FNBP1: variants seen among roughly 807,000 people sequenced by gnomAD.
The protein encoded by FNBP1 is formin-binding protein 1.
Under a neutral mutation model 90.6 loss-of-function variants are expected in FNBP1, and 26 were observed. The observed-to-expected ratio is 0.29, with a 90% CI of 0.21 to 0.40. The LOEUF (loss-of-function observed/expected upper bound fraction) is 0.40. FNBP1 is among the 10% of genes least tolerant of loss of function. The pLI is 1.00. For synonymous variants in FNBP1, 260 were observed against 265.2 expected (o/e 0.98, Z 0.19); for missense variants, 635 against 768.0 (o/e 0.83, Z 2.05).
In FNBP1 at chr9:129,918,956, G is replaced by A. The variant is rs57988217; in HGVS notation, c.1171-2976C>T. 1,380 of 176,684 alleles carry A rather than the reference G, an allele frequency of 7.8e-3. 22 individuals carry two copies. The highest frequency in any genetic ancestry group is 0.031 in the African/African-American group (1,305 of 41,598). 10.9% of individuals were successfully genotyped at this position (176,684 alleles called of 1,614,324 possible). A position where few individuals can be genotyped will look rare whatever the true frequency, so the allele number is the denominator to read the frequency against. On this transcript the variant is annotated intron_variant, in intron 10 of 16. Coordinates refer to ENST00000446176, the MANE Select transcript of FNBP1 (RefSeq NM_015033.3). ...CTTCCTTTATTCATGCAAGCTTTTC[G>A]GATAAAGTTCCGTATGGTTGAATTT...
chr9:129,969,627 T>C (rs1367252793), intron 4 of FNBP1, among the ~76,000 whole-genome samples: 1 of 152,078 alleles, frequency 6.6e-6, no homozygotes, highest in Non-Finnish European at 1.5e-5. Context: ...ACTACACTTT[T>C]GGCCAGGCAC....
intron 6 of FNBP1, chr9:129,936,657 C>T (rs2043509159): frequency 6.6e-6 from 1 of 152,006 alleles, no homozygotes; most frequent in Non-Finnish European, 1.5e-5. Flanking sequence ...AAAGTTTCTG[C>T]ACATTCCAGC....
chr9:130,034,212 T>G (rs936863802), intron 1 of FNBP1, among the ~76,000 whole-genome samples: 3 of 150,664 alleles, frequency 2.0e-5, no homozygotes, highest in Non-Finnish European at 4.4e-5. Flanking sequence ...ACTCGGGAGG[T>G]TGAAGCAGGA....
At chr9:129,931,788 A>T (rs1219511872) in intron 6 of FNBP1, among the ~76,000 whole-genome samples, 3 of 151,900 alleles carry the variant, frequency 2.0e-5, no homozygotes, top group African/African-American at 7.3e-5. Context: ...ACAGAGCAAG[A>T]CTGTTTCAAA....
At chr9:129,893,914 CAAA>C (rs34164874) in intron 16 of FNBP1, among the ~76,000 whole-genome samples, 263 of 115,802 alleles carry the variant, frequency 2.3e-3, no homozygotes, top group Middle Eastern at 4.2e-3. Flanking sequence ...GACTCCATCT[CAAA>C]AAAAAAAAAA....
intron 6 of FNBP1, among the ~76,000 whole-genome samples, chr9:129,955,901 C>T (rs1316692123): frequency 6.6e-6 from 1 of 151,394 alleles, no homozygotes; most frequent in Admixed American, 6.6e-5. Flanking sequence ...CCTCATTCAA[C>T]ATAAAATATC....
intron 4 of FNBP1, among the ~76,000 whole-genome samples, chr9:129,974,235 C>T (rs2049956236): frequency 6.6e-6 from 1 of 152,156 alleles, no homozygotes; most frequent in Non-Finnish European, 1.5e-5. Flanking sequence ...TGCCTACAAA[C>T]ACGCACTGCC....
In FNBP1 at chr9:129,889,177, G is replaced by A. The variant is rs1588306352; in HGVS notation, c.*1362C>T. ...ACTTGGCTCTAAAAGCAAACTCAAC[G>A]AATTCCACATGCCCTGAAGAGCACG... On this transcript the variant is annotated 3_prime_UTR_variant, in exon 17 of 17. Transcript: ENST00000446176. The A allele has an allele frequency of 1.4e-5, 3 of 213,502 alleles. No individual in the cohort carries two copies. Among genetic ancestry groups the A allele is most frequent in the Non-Finnish European group, 2.8e-5 (3 of 105,602 alleles). The allele number at this position is 213,502 out of a possible 1,614,324, so 13.2% of individuals were successfully genotyped here. A position where few individuals can be genotyped will look rare whatever the true frequency, so the allele number is the denominator to read the frequency against.
chr9:130,024,851 AT>A (rs1192734671), intron 1 of FNBP1, among the ~76,000 whole-genome samples: 1 of 152,186 alleles, frequency 6.6e-6, no homozygotes, highest in Non-Finnish European at 1.5e-5. Flanking sequence ...AACTGACAAA[AT>A]AAACAATAAA....
intron 12 of FNBP1, among the ~76,000 whole-genome samples, chr9:129,903,719 C>T (rs1200567120): frequency 6.6e-6 from 1 of 151,716 alleles, no homozygotes; most frequent in Non-Finnish European, 1.5e-5. Context: ...TTGGTAGAGA[C>T]TGCGTTTTGC....
intron 1 of FNBP1, among the ~76,000 whole-genome samples, chr9:130,035,007 AGT>A (rs1360061297): frequency 6.6e-6 from 1 of 152,044 alleles, no homozygotes; most frequent in Non-Finnish European, 1.5e-5. Context: ...AAATTAGCAG[AGT>A]GTGGTGACAT....
chr9:129,903,394 G>A (rs1255159456), intron 12 of FNBP1, among the ~76,000 whole-genome samples: 2 of 152,122 alleles, frequency 1.3e-5, no homozygotes, highest in Non-Finnish European at 2.9e-5. Flanking sequence ...CACTTTGAAA[G>A]CCATATGAAT....
rs1280981382 is a variant in FNBP1, at chr9:129,887,690, T to A, written c.*2849A>T. Reference sequence around the variant, plus strand: ...CAACCTTCTGTGCCTTTTTATACTTTCCCATCCTACAAAGGAAAAACTGGG... The same window carrying A: ...CAACCTTCTGTGCCTTTTTATACTTACCCATCCTACAAAGGAAAAACTGGG... On this transcript the variant is annotated 3_prime_UTR_variant, in exon 17 of 17. Transcript: ENST00000446176. 4.5e-6 allele frequency: 1 copy of A among 220,826 alleles called. No homozygotes were observed. Among genetic ancestry groups the A allele is most frequent in the Non-Finnish European group, 9.1e-6 (1 of 110,342 alleles). The allele number at this position is 220,826 out of a possible 1,614,324, so 13.7% of individuals were successfully genotyped here.
At chr9:129,952,132 C>T (rs569188812) in intron 6 of FNBP1, among the ~76,000 whole-genome samples, 46 of 151,752 alleles carry the variant, frequency 3.0e-4, no homozygotes, top group Non-Finnish European at 5.7e-4. Flanking sequence ...GCACAGGTTG[C>T]GATGAGCTGA....
intron 16 of FNBP1, among the ~76,000 whole-genome samples, chr9:129,894,711 G>A (rs1479898300): frequency 6.6e-6 from 1 of 152,194 alleles, no homozygotes; most frequent in Non-Finnish European, 1.5e-5. Context: ...CTGATGCAGG[G>A]ACACGCTCTG....
chr9:130,009,984 A>T (rs2056333783), intron 1 of FNBP1, among the ~76,000 whole-genome samples: 2 of 151,920 alleles, frequency 1.3e-5, no homozygotes, highest in Admixed American at 1.3e-4. Flanking sequence ...GTCTCAAAAA[A>T]AAAAAAAAAA....
intron 6 of FNBP1, among the ~76,000 whole-genome samples, chr9:129,956,956 T>A (rs759495351): frequency 2.6e-4 from 40 of 151,950 alleles, no homozygotes; most frequent in Middle Eastern, 3.2e-3. Context: ...CTTTTGTGGC[T>A]ACATTAGAAA....
At chr9:129,901,855 T>A (rs1246382347) in intron 13 of FNBP1, among the ~76,000 whole-genome samples, 1 of 152,080 alleles carries the variant, frequency 6.6e-6, no homozygotes, top group Non-Finnish European at 1.5e-5. Context: ...GAGGTCACAC[T>A]GAGGTGAGAT....
intron 6 of FNBP1, among the ~76,000 whole-genome samples, chr9:129,931,273 C>T (rs1044310555): frequency 7.9e-5 from 12 of 151,450 alleles, no homozygotes; most frequent in Non-Finnish European, 7.4e-5. Context: ...TTCCAGCCTG[C>T]GCAACAGAAC....
Sources: allele counts gnomAD v4.1 joint callset (sites outside exome capture counted in the v4.1 genomes callset), GRCh38; gene constraint gnomAD v4.1.1; transcripts MANE v1.5; gene names NCBI Gene and HGNC (gene_info 2026-07-23, HGNC 2026-07-21).